PTPRZ1: variants seen among roughly 807,000 people sequenced by gnomAD.
PTPRZ1 encodes the protein protein tyrosine phosphatase receptor type Z1, also known as receptor-type tyrosine-protein phosphatase zeta.
PTPRZ1 carries 82 observed loss-of-function variants against 214.1 expected under a neutral mutation model. The observed-to-expected ratio is 0.38, with a 90% CI of 0.32 to 0.46. The LOEUF (loss-of-function observed/expected upper bound fraction) is 0.46. Among genes scored for constraint, PTPRZ1 ranks in the 20% least tolerant of loss-of-function variants. The pLI is 1.00. For synonymous variants in PTPRZ1, 945 were observed against 987.9 expected (o/e 0.96, Z 0.81); for missense variants, 2,603 against 2,748.7 (o/e 0.95, Z 1.19).
At chr7:122,055,743 T>C (rs1261536970) in intron 27 of PTPRZ1, among the ~76,000 whole-genome samples, 2 of 151,916 alleles carry the variant, frequency 1.3e-5, no homozygotes, top group Non-Finnish European at 2.9e-5. Flanking sequence ...AGAACTATAG[T>C]AAAATACTAA....
At chr7:121,940,610 A>C (rs1796210814) in intron 2 of PTPRZ1, among the ~76,000 whole-genome samples, 1 of 152,220 alleles carries the variant, frequency 6.6e-6, no homozygotes, top group South Asian at 2.1e-4. Context: ...CAGGTGCTGC[A>C]ATGATTACAT....
chr7:121,899,902 T>C (rs1794908363), intron 1 of PTPRZ1, among the ~76,000 whole-genome samples: 1 of 152,192 alleles, frequency 6.6e-6, no homozygotes, highest in Non-Finnish European at 1.5e-5. Flanking sequence ...GAACTAGTTC[T>C]CTAATAGCAG....
intron 3 of PTPRZ1, 116 bp downstream of exon 3, chr7:121,968,246 A>G: frequency 1.2e-6 from 1 of 845,532 alleles, no homozygotes; most frequent in South Asian, 3.0e-5. Context: ...TAGAAGTTAC[A>G]TGTAGAAGAA....
rs775414774 is a variant in PTPRZ1, at chr7:122,044,545, A to G, written c.6061A>G (p.Thr2021Ala). The G allele has an allele frequency of 3.6e-5, 58 of 1,613,628 alleles. No homozygotes were observed. The highest frequency in any genetic ancestry group is 2.7e-5 in the Non-Finnish European group (32 of 1,179,750). The change falls in exon 23 of 30, where the codon ACA (threonine) becomes GCA (alanine). Residue 2021 changes from threonine to alanine, a missense_variant. This residue lies in a region of PTPRZ1 where 1,913 missense variants were observed against 1,914.3 expected (regional missense o/e 1.00). Transcript: ENST00000393386. ...CCTCATTCCTGGACCAGCAGGCAAA[A>G]CAAAGCTAGAGAAACAATTCCAGGT... ...ALLIPGPAGKTKLEKQFQLLS... is the reference protein window; with the variant it reads ...ALLIPGPAGKAKLEKQFQLLS...
At chr7:122,033,687 A>C (rs1799453429) in intron 15 of PTPRZ1, among the ~76,000 whole-genome samples, 1 of 152,050 alleles carries the variant, frequency 6.6e-6, no homozygotes. Flanking sequence ...AACCCCCCAA[A>C]AAATAAAAAC....
chr7:121,904,192 C>T (rs1182781601), intron 1 of PTPRZ1, among the ~76,000 whole-genome samples: 1 of 152,142 alleles, frequency 6.6e-6, no homozygotes, highest in Non-Finnish European at 1.5e-5. Context: ...AGAGTGCATG[C>T]ACCTCCAGTT....
At chr7:122,014,408 G>A (rs922743864) in intron 12 of PTPRZ1, among the ~76,000 whole-genome samples, 1 of 151,842 alleles carries the variant, frequency 6.6e-6, no homozygotes, top group Non-Finnish European at 1.5e-5. Flanking sequence ...ATATCAGCTT[G>A]GGGAGCTTTA....
intron 1 of PTPRZ1, among the ~76,000 whole-genome samples, chr7:121,918,704 ACT>A (rs930175055): frequency 7.2e-5 from 11 of 152,060 alleles, no homozygotes; most frequent in African/African-American, 2.7e-4. Flanking sequence ...TTTAACAAAA[ACT>A]CATCAAATAT....
intron 1 of PTPRZ1, among the ~76,000 whole-genome samples, chr7:121,917,264 G>A (rs771645005): frequency 6.6e-5 from 10 of 152,250 alleles, no homozygotes; most frequent in South Asian, 4.1e-4. Flanking sequence ...CTAGGTGCTC[G>A]TTAACAATGA....
At chr7:121,889,686 C>G (rs1219262764) in intron 1 of PTPRZ1, among the ~76,000 whole-genome samples, 1 of 152,062 alleles carries the variant, frequency 6.6e-6, no homozygotes, top group Non-Finnish European at 1.5e-5. Flanking sequence ...TCTATAGTCA[C>G]TATCTATTTT....
rs1181029559 is a variant in PTPRZ1, at chr7:122,011,793, T to G, written c.2747T>G (p.Met916Arg). The change falls in exon 12 of 30, where the codon ATG becomes AGG. Residue 916 changes from methionine (M) to arginine (R), a missense_variant. This residue lies in a region of PTPRZ1 where 1,913 missense variants were observed against 1,914.3 expected (regional missense o/e 1.00). Transcript: ENST00000393386. ...SQVEPPSSDA[M>R]MHARSSGPEP... ...GTTGAACCACCCAGCAGTGATGCCA[T>G]GATGCATGCACGTTCTTCAGGGCCT... 1 of 1,614,148 alleles carries G rather than the reference T, an allele frequency of 6.2e-7. No homozygotes were observed. Among genetic ancestry groups the G allele is most frequent in the African/African-American group, 1.3e-5 (1 of 75,070 alleles).
intron 6 of PTPRZ1, among the ~76,000 whole-genome samples, chr7:121,977,873 A>G (rs1797491065): frequency 6.6e-6 from 1 of 152,156 alleles, no homozygotes; most frequent in Admixed American, 6.5e-5. Context: ...AACTTGTTTG[A>G]ATTCCTATAC....
At position 121,873,575 on chromosome 7, in the gene PTPRZ1, G is replaced by T; in HGVS notation, c.58+18G>T. The T allele has an allele frequency of 6.2e-7, 1 of 1,613,264 alleles. No homozygotes were observed. Among genetic ancestry groups the T allele is most frequent in the East Asian group, 2.2e-5 (1 of 44,822 alleles). The stretch of plus-strand genomic sequence containing the variant: ...CCGCCTGGGTGAGTGAGAAGAGCTC[G>T]GTGGGGTTTCAGCTCCGGGATCGGT... On this transcript the variant is annotated intron_variant, in intron 1 of 29. Coordinates refer to ENST00000393386, the MANE Select transcript of PTPRZ1 (RefSeq NM_002851.3).
chr7:122,016,798 G>C (rs1798856089), intron 12 of PTPRZ1, among the ~76,000 whole-genome samples: 1 of 151,450 alleles, frequency 6.6e-6, no homozygotes, highest in Non-Finnish European at 1.5e-5. Flanking sequence ...ATGTTGCTTT[G>C]AAAATTTGTG....
chr7:121,926,602 A>G (rs748516918), intron 1 of PTPRZ1, among the ~76,000 whole-genome samples: 80 of 152,176 alleles, frequency 5.3e-4, no homozygotes, highest in African/African-American at 1.8e-3. Flanking sequence ...GAATAGTCAA[A>G]TCTATATAGT....
intron 1 of PTPRZ1, among the ~76,000 whole-genome samples, chr7:121,905,677 A>ACACACAC (rs368191821): frequency 6.6e-6 from 1 of 151,776 alleles, no homozygotes; most frequent in Admixed American, 6.6e-5. Context: ...ACACACACAC[A>ACACACAC]AATGGTGGGC....
chr7:121,921,797 A>G (rs1795605005), intron 1 of PTPRZ1, among the ~76,000 whole-genome samples: 1 of 152,230 alleles, frequency 6.6e-6, no homozygotes, highest in Non-Finnish European at 1.5e-5. Flanking sequence ...TACTATAAAA[A>G]GTGGTATTTT....
At chr7:122,023,425 G>C (rs898776329) in intron 13 of PTPRZ1, among the ~76,000 whole-genome samples, 2 of 146,724 alleles carry the variant, frequency 1.4e-5, no homozygotes, top group African/African-American at 5.0e-5. Flanking sequence ...TGTAGCCAGC[G>C]AGGCATGGTG....
chr7:121,909,260 C>G (rs1006408079), intron 1 of PTPRZ1, among the ~76,000 whole-genome samples: 15 of 151,960 alleles, frequency 9.9e-5, no homozygotes, highest in African/African-American at 3.6e-4. Flanking sequence ...GGGAATAAAC[C>G]AATAAAGGGG....
Sources: allele counts gnomAD v4.1 joint callset (sites outside exome capture counted in the v4.1 genomes callset), GRCh38; gene constraint gnomAD v4.1.1; regional missense constraint gnomAD v4.1.1; transcripts MANE v1.5; gene names NCBI Gene and HGNC (gene_info 2026-07-23, HGNC 2026-07-21).